EIF4G1: variants seen among roughly 807,000 people sequenced by gnomAD.
The protein encoded by EIF4G1 is EIF4-gamma.
A neutral mutation model predicts 187.8 loss-of-function variants in EIF4G1; 4 were observed. The observed-to-expected ratio is 0.02, with a 90% confidence interval of 0.01 to 0.05. EIF4G1 has a LOEUF of 0.05. Ranked by LOEUF, EIF4G1 falls within the 10% of genes least tolerant of loss-of-function variation. The probability of loss-of-function intolerance (pLI) is 1.00; values close to 1 mark genes in which losing one functional copy is unlikely to be tolerated. For synonymous variants in EIF4G1, 844 were observed against 781.4 expected, an observed-to-expected ratio of 1.08 and a Z score of -1.34; for missense variants, 1,647 against 2,081.1, an observed-to-expected ratio of 0.79 and a Z score of 4.06.
At chr3:184,322,500 C>T in intron 11 of EIF4G1, 44 bp from the exon 12 acceptor site, 1 of 1,613,868 alleles carries the variant, frequency 6.2e-7, no homozygotes, top group Non-Finnish European at 8.5e-7. Flanking sequence ...AGGTATGGAG[C>T]AGTGGTCATT....
chr3:184,317,262 C>T, intron 4 of EIF4G1, 59 bp from the exon 5 acceptor site: 1 of 1,591,788 alleles, frequency 6.3e-7, no homozygotes, highest in Non-Finnish European at 8.6e-7. Flanking sequence ...TGTGGAGTGG[C>T]AATTTTTTGT....
chr3:184,321,764 A>C lies in EIF4G1; in HGVS notation c.1180A>C (p.Ile394Leu). ...TTGCCCCTCCGAATCCCCTGTGCCC[A>C]TTGCTCCAACTGCCCAACCTGAGGA... ...PACPSESPVPIAPTAQPEELL... is the reference protein window; with the variant it reads ...PACPSESPVPLAPTAQPEELL... The change falls in exon 10 of 33, where the codon ATT (isoleucine) becomes CTT (leucine). Residue 394 changes from isoleucine (I) to leucine (L), a missense_variant. Ile to Leu is a conservative substitution (Grantham distance 5). Transcript: ENST00000346169. The C allele has an allele frequency of 3.1e-6, 5 of 1,608,312 alleles. No homozygotes were observed. The highest frequency in any genetic ancestry group is 4.3e-6 in the Non-Finnish European group (5 of 1,175,612).
At chr3:184,321,083 C>T (rs1381379280) in intron 9 of EIF4G1, 90 bp downstream of exon 9, 2 of 1,535,658 alleles carry the variant, frequency 1.3e-6, no homozygotes, top group East Asian at 2.4e-5. Flanking sequence ...AACTGGGTAC[C>T]AGAGAATGAT....
rs762768605 is a variant in EIF4G1, at chr3:184,326,958, A to G, written c.3403A>G (p.Thr1135Ala). Reference sequence around the variant, plus strand: ...TCAACAAGCGGTACCCACAGAAAGCACAGATAATAGACGTGTGGTGCAGAG... The same window carrying G: ...TCAACAAGCGGTACCCACAGAAAGCGCAGATAATAGACGTGTGGTGCAGAG... ...ALQQAVPTES[T>A]DNRRVVQRSS... Residue 1135 changes from threonine (T) to alanine (A), a missense_variant, in exon 23 of 33, where the codon ACA (threonine) becomes GCA (alanine). By Grantham distance (58) the Thr-to-Ala change is moderately conservative. Coordinates refer to ENST00000346169, the MANE Select transcript of EIF4G1 (RefSeq NM_198241.3). The G allele has an allele frequency of 6.2e-7, 1 of 1,614,256 alleles. No homozygotes were observed. Among genetic ancestry groups the G allele is most frequent in the Non-Finnish European group, 8.5e-7 (1 of 1,180,050 alleles).
rs571655559 is a variant in EIF4G1 at position 184,315,234 on chromosome 3, C to G, written c.-91-255C>G. 13 of 399,326 alleles carry G rather than the reference C, an allele frequency of 3.3e-5. No individual in the cohort carries two copies. In the East Asian group the frequency reaches 5.8e-4, roughly 18 times the overall value. The allele number at this position is 399,326 out of a possible 1,614,324, so 24.7% of individuals were successfully genotyped here. On this transcript the variant is annotated intron_variant, in intron 1 of 32. Coordinates refer to ENST00000346169, the MANE Select transcript of EIF4G1 (RefSeq NM_198241.3). ...CTTTTAGGGCCTGACTCCCGCCCTT[C>G]CTGGCCTACACTCCTGGGCGGCGGC... is the stretch of plus-strand genomic sequence containing the variant.
At chr3:184,316,503 A>C (rs977515062) in intron 4 of EIF4G1, among the ~76,000 whole-genome samples, 5 of 151,752 alleles carry the variant, frequency 3.3e-5, no homozygotes, top group African/African-American at 1.2e-4. Context: ...TGCTCCTTTT[A>C]CCGGAGGCTG....
At chr3:184,315,737 T>G in intron 2 of EIF4G1, 26 bp from the exon 3 acceptor site, 1 of 1,533,816 alleles carries the variant, frequency 6.5e-7, no homozygotes, top group South Asian at 1.2e-5. Context: ...CCCTTCCTCT[T>G]CCTGAGCGCC....
At position 184,322,397 on chromosome 3, in the gene EIF4G1, A is replaced by G; in HGVS notation, c.1555A>G (p.Lys519Glu). The change falls in exon 11 of 33, where the codon AAG becomes GAG. Residue 519 changes from lysine (K) to glutamate (E), a missense_variant. Around this residue, in one of 11 missense-constraint regions of EIF4G1, gnomAD observed 522 missense variants for 485.2 expected, o/e 1.08. Coordinates refer to ENST00000346169, the MANE Select transcript of EIF4G1 (RefSeq NM_198241.3). ...VSVPKRRRKIKELNKKEAVGD... is the reference protein window; with the variant it reads ...VSVPKRRRKIEELNKKEAVGD... ...TGTGCCAAAGAGGAGACGGAAAATT[A>G]AGGAGCTAAATAAGAAGGAGGCTGT... The G allele has an allele frequency of 6.2e-7, 1 of 1,614,176 alleles. No individual in the cohort carries two copies. The highest frequency in any genetic ancestry group is 1.7e-4 in the Middle Eastern group (1 of 6,058).
At chr3:184,316,752 C>T (rs1212370070) in intron 4 of EIF4G1, 7 of 1,595,620 alleles carry the variant, frequency 4.4e-6, no homozygotes, top group South Asian at 3.3e-5. Context: ...CCTTTCCCAA[C>T]CCTGGACAGT....
Position 184,322,737 on chromosome 3 carries a change from T to C in EIF4G1, c.1795+7T>C, listed in dbSNP as rs1303473634. 1.2e-6 allele frequency: 2 copies of C among 1,614,196 alleles called. No homozygotes were observed. The highest frequency in any genetic ancestry group is 1.7e-6 in the Non-Finnish European group (2 of 1,180,040). ...AAGTATGAATATAAGTCAGGTATGC[T>C]GAAGAAAGGGTTGAGAATGGCTTGA... is the stretch of plus-strand genomic sequence containing the variant. On this transcript the variant is annotated splice_region_variant and intron_variant, in intron 12 of 32. Coordinates refer to ENST00000346169, the MANE Select transcript of EIF4G1 (RefSeq NM_198241.3).
rs1211450158 is a variant in EIF4G1 at position 184,323,664 on chromosome 3, T to G, written c.2274+71T>G. 25 of 1,611,452 alleles carry G rather than the reference T, an allele frequency of 1.6e-5. No individual in the cohort carries two copies. Among genetic ancestry groups the G allele is most frequent in the East Asian group, 4.5e-5 (2 of 44,876 alleles). On this transcript the variant is annotated intron_variant, in intron 15 of 32. Transcript: ENST00000346169. This position sits in a 1 kb window ranked among gnomAD's most constrained non-coding sequence, Gnocchi z 6.9. ...GTCTGCCATCTGTGCCCTCTTTGCT[T>G]CTTTTTGTCCTTATCACTAGCATCT... is the stretch of plus-strand genomic sequence containing the variant.
At chr3:184,319,359 G>A (rs1723374398) in intron 6 of EIF4G1, 1 of 393,076 alleles carries the variant, frequency 2.5e-6, no homozygotes, top group Non-Finnish European at 4.9e-6. Flanking sequence ...AACTTGTACG[G>A]TGGAAGGACA....
intron 24 of EIF4G1, 26 bp downstream of exon 24, chr3:184,327,474 G>A: frequency 6.2e-7 from 1 of 1,613,422 alleles, no homozygotes; most frequent in East Asian, 2.2e-5. Flanking sequence ...AGGAATGGAG[G>A]GAAAGGCATT....
In EIF4G1 at chr3:184,322,134, C is replaced by T. The variant is rs201483118; in HGVS notation, c.1519+31C>T. ...GTGTGGTTGGACGGTAGAGGTAGGG[C>T]GGGCTAGGGGATATCGTTCCTTGCC... On this transcript the variant is annotated intron_variant, in intron 10 of 32. Transcript: ENST00000346169. 8.9e-5 allele frequency: 144 copies of T among 1,613,902 alleles called. No homozygotes were observed. The East Asian group carries it at 2.2e-3, about 25-fold the overall frequency.
chr3:184,326,044 T>G, intron 21 of EIF4G1, 93 bp downstream of exon 21: 1 of 1,350,834 alleles, frequency 7.4e-7, no homozygotes, highest in Non-Finnish European at 1.1e-6. Context: ...GCTGAATGTT[T>G]CCTCTTAGAC....
chr3:184,321,568 A>G lies in EIF4G1; in HGVS notation c.984A>G (p.Glu328=). The change falls in exon 10 of 33, where the codon GAA becomes GAG. Residue 328 remains glutamate, a synonymous_variant. Transcript: ENST00000346169. The part of the protein sequence containing the change: ...TPLAEPILEV[E]VTLSKPVPES... The stretch of plus-strand genomic sequence containing the variant: ...TCGCCGAACCCATACTGGAAGTAGA[A>G]GTGACACTTAGCAAACCGGTTCCAG... 4 of 1,614,210 alleles carry G rather than the reference A, an allele frequency of 2.5e-6. No homozygotes were observed. Among genetic ancestry groups the G allele is most frequent in the Non-Finnish European group, 2.5e-6 (3 of 1,180,040 alleles).
Position 184,334,910 on chromosome 3 carries a change from G to A in EIF4G1, c.*2G>A. Reference sequence around the variant, plus strand: ...GAGGAGGAGTCTGACCACAACTGAGGGCTGGTGGGGCCGGGGACCTGGAGC... The same window carrying A: ...GAGGAGGAGTCTGACCACAACTGAGAGCTGGTGGGGCCGGGGACCTGGAGC... On this transcript the variant is annotated 3_prime_UTR_variant, in exon 33 of 33. Coordinates refer to ENST00000346169, the MANE Select transcript of EIF4G1 (RefSeq NM_198241.3). The surrounding 1 kb of genome is among the most constrained non-coding windows in gnomAD (Gnocchi z 5.8). The A allele has an allele frequency of 6.2e-7, 1 of 1,613,988 alleles. No individual in the cohort carries two copies. Among genetic ancestry groups the A allele is most frequent in the Non-Finnish European group, 8.5e-7 (1 of 1,179,992 alleles).
intron 17 of EIF4G1, 30 bp downstream of exon 17, chr3:184,324,377 C>G (rs777692384): frequency 6.2e-7 from 1 of 1,614,008 alleles, no homozygotes; most frequent in South Asian, 1.1e-5. Flanking sequence ...CGATTCCACT[C>G]ACCACTTACC....
intron 32 of EIF4G1, 116 bp downstream of exon 32, chr3:184,332,202 A>T: frequency 5.1e-6 from 7 of 1,370,616 alleles, no homozygotes; most frequent in Non-Finnish European, 7.2e-6. Context: ...TTAGAGAGCA[A>T]AATGCCCTCT....
Sources: gnomAD v4.1 joint callset for allele counts (sites outside exome capture counted in the v4.1 genomes callset) on GRCh38, gnomAD v4.1.1 for gene constraint, gnomAD v4.1.1 regional missense constraint, Gnocchi (gnomAD v3.1) non-coding constraint, MANE v1.5 for transcripts, NCBI Gene and HGNC (gene_info 2026-07-23, HGNC 2026-07-21) for gene names.